CCDC14: variants seen among roughly 807,000 people sequenced by gnomAD.
CCDC14 encodes the protein coiled-coil domain containing 14.
Under a neutral mutation model 81.4 loss-of-function variants are expected in CCDC14, and 71 were observed. The observed-to-expected ratio is 0.87, with a 90% CI of 0.72 to 1.06. The LOEUF (loss-of-function observed/expected upper bound fraction) is 1.06, where lower values mean the gene tolerates loss of function less well. CCDC14 is among the 50% of genes least tolerant of loss of function. CCDC14 has a pLI of 0.00. For missense variants in CCDC14, 1,046 were observed against 1,047.3 expected, an observed-to-expected ratio of 1.00 and a Z score of 0.02; for synonymous variants, 332 against 364.8, an observed-to-expected ratio of 0.91 and a Z score of 1.03.
chr3:123,931,144 C>T lies in CCDC14; in HGVS notation c.1736G>A (p.Arg579His), dbSNP rs139814760. The T allele has an allele frequency of 6.2e-5, 100 of 1,610,706 alleles. 1 individual carries two copies. The highest frequency in any genetic ancestry group is 2.8e-4 in the African/African-American group (21 of 74,732). ...KENQILGITL[R>H]QRDAEVTRLR... Reference sequence around the variant, plus strand: ...TCGAGTCACCTCAGCATCACGCTGACGTAATGTTATCCCCAATATCTGGTT... The same window carrying T: ...TCGAGTCACCTCAGCATCACGCTGATGTAATGTTATCCCCAATATCTGGTT... Residue 579 changes from arginine to histidine, a missense_variant, in exon 12 of 13, where the codon CGT becomes CAT. Transcript: ENST00000409697.
the CCDC14 span, among the ~76,000 whole-genome samples, chr3:123,889,352 C>T: frequency 8.5e-3 from 1,286 of 152,154 alleles, 12 homozygotes; most frequent in African/African-American, 0.028. Flanking sequence ...GTAGAGGCTG[C>T]AGTGAGCCAA....
At chr3:123,906,190 C>T (rs1358496480) in intron 5 of CCDC14, among the ~76,000 whole-genome samples, 1 of 151,982 alleles carries the variant, frequency 6.6e-6, no homozygotes, top group Non-Finnish European at 1.5e-5. Flanking sequence ...ATTAGCCAGG[C>T]GTGGTGGTGG....
At chr3:123,910,909 C>T (rs1332093291), downstream of CCDC14, among the ~76,000 whole-genome samples, 1 of 152,110 alleles carries the variant, frequency 6.6e-6, no homozygotes, top group African/African-American at 2.4e-5. Context: ...CAATCCTGGT[C>T]CCTATCCTCA....
downstream of CCDC14, among the ~76,000 whole-genome samples, chr3:123,895,565 G>C (rs1035762884): frequency 6.6e-6 from 1 of 152,090 alleles, no homozygotes; most frequent in African/African-American, 2.4e-5. Flanking sequence ...TGTATGCCTG[G>C]GTCTTACCCC....
chr3:123,897,424 C>A (rs2034086559), downstream of CCDC14: 1 of 163,244 alleles, frequency 6.1e-6, no homozygotes, highest in Non-Finnish European at 1.4e-5. Flanking sequence ...AAAATCCAAA[C>A]TGATTATTTC....
Position 123,913,584 on chromosome 3 carries a change from A to C in CCDC14, c.*1195T>G, listed in dbSNP as rs1343813956. The stretch of plus-strand genomic sequence containing the variant: ...AAATAGTTTAGAATTCACTTAATAA[A>C]TTTTTAGACTTAAATCTCTATCTGG... On this transcript the variant is annotated 3_prime_UTR_variant, in exon 13 of 13. Coordinates refer to ENST00000409697, the MANE Select transcript of CCDC14 (RefSeq NM_001366335.1). 45 of 983,204 alleles carry C rather than the reference A, an allele frequency of 4.6e-5. No individual in the cohort carries two copies. Among genetic ancestry groups the C allele is most frequent in the Non-Finnish European group, 5.2e-5 (43 of 828,450 alleles). 60.9% of individuals were successfully genotyped at this position (983,204 alleles called of 1,614,324 possible). A position where few individuals can be genotyped will look rare whatever the true frequency, so the allele number is the denominator to read the frequency against.
intron 8 of CCDC14, 66 bp downstream of exon 8, chr3:123,946,737 G>A (rs1465836747): frequency 2.1e-6 from 3 of 1,403,870 alleles, no homozygotes; most frequent in Admixed American, 2.2e-5. Flanking sequence ...TTAAATGATA[G>A]CTAAATAACA....
chr3:123,952,567 G>T, intron 5 of CCDC14: 3 of 523,448 alleles, frequency 5.7e-6, no homozygotes, highest in South Asian at 4.3e-5. Flanking sequence ...TGCCTCCTTA[G>T]TCCCAGAATG....
chr3:123,885,546 C>T, the CCDC14 span, among the ~76,000 whole-genome samples: 1 of 151,826 alleles, frequency 6.6e-6, no homozygotes, highest in Non-Finnish European at 1.5e-5. Context: ...TAACTTAAGC[C>T]CTTGATCTGT....
chr3:123,944,175 G>A (rs2036506107), intron 9 of CCDC14, among the ~76,000 whole-genome samples: 1 of 152,066 alleles, frequency 6.6e-6, no homozygotes, highest in Non-Finnish European at 1.5e-5. Context: ...GCTTGCTGGT[G>A]GGGAGAAATC....
At position 123,915,534 on chromosome 3, in the gene CCDC14, A is replaced by G; in HGVS notation, c.1963T>C (p.Phe655Leu). 1 of 1,613,988 alleles carries G rather than the reference A, an allele frequency of 6.2e-7. No homozygotes were observed. Among genetic ancestry groups the G allele is most frequent in the Non-Finnish European group, 8.5e-7 (1 of 1,179,892 alleles). ...YLNKLETNYS[F>L]THSEPLSTIK... ...GTAGAAAGTGGCTCTGAATGTGTAA[A>G]ACTGTAATTTGTTTCTAACTTATTT... The change falls in exon 13 of 13, where the codon TTT becomes CTT. Residue 655 changes from phenylalanine (F) to leucine (L), a missense_variant. By Grantham distance (22) the Phe-to-Leu change is conservative. Coordinates refer to ENST00000409697, the MANE Select transcript of CCDC14 (RefSeq NM_001366335.1).
At chr3:123,893,094 G>A (rs943504803), downstream of CCDC14, among the ~76,000 whole-genome samples, 22 of 152,256 alleles carry the variant, frequency 1.4e-4, no homozygotes, top group African/African-American at 4.8e-4. Flanking sequence ...ATGAGCCACC[G>A]TGCCCTGCCA....
chr3:123,944,930 G>A lies in CCDC14; in HGVS notation c.1262C>T (p.Thr421Ile), dbSNP rs765259203. The change falls in exon 9 of 13, where the codon ACA becomes ATA. Residue 421 changes from threonine to isoleucine, a missense_variant. Coordinates refer to ENST00000409697, the MANE Select transcript of CCDC14 (RefSeq NM_001366335.1). ...EMEACISVLP[T>I]VSGNTDIQVE... ...TTGAATATCTGTGTTTCCACTTACT[G>A]TTGGAAGTACAGATATACATGCCTC... is the stretch of plus-strand genomic sequence containing the variant. The A allele has an allele frequency of 5.0e-6, 8 of 1,609,872 alleles. No individual in the cohort carries two copies. In the East Asian group the frequency reaches 1.6e-4, roughly 31 times the overall value.
intron 12 of CCDC14, among the ~76,000 whole-genome samples, chr3:123,920,294 G>A (rs1031869131): frequency 6.6e-6 from 1 of 152,194 alleles, no homozygotes; most frequent in Non-Finnish European, 1.5e-5. Context: ...AGGAGTGCCT[G>A]AAGGAGAAGA....
At chr3:123,907,692 G>A (rs918212294) in intron 5 of CCDC14, among the ~76,000 whole-genome samples, 2 of 151,572 alleles carry the variant, frequency 1.3e-5, no homozygotes, top group South Asian at 2.1e-4. Flanking sequence ...GCGACAGAGC[G>A]AGACCTCATC....
At chr3:123,898,559 G>A (rs2034116378) in intron 5 of CCDC14, among the ~76,000 whole-genome samples, 3 of 152,210 alleles carry the variant, frequency 2.0e-5, no homozygotes, top group Admixed American at 6.5e-5. Flanking sequence ...GAGAGGTGGT[G>A]CAATCCAAGG....
intron 12 of CCDC14, among the ~76,000 whole-genome samples, chr3:123,918,843 C>T (rs1027852231): frequency 6.6e-5 from 10 of 152,168 alleles, no homozygotes; most frequent in African/African-American, 2.4e-4. Context: ...CCAATGGAAG[C>T]ATCAGACCAG....
At chr3:123,934,282 A>AAAC (rs1393933806) in intron 9 of CCDC14, among the ~76,000 whole-genome samples, 1 of 150,320 alleles carries the variant, frequency 6.7e-6, no homozygotes, top group Admixed American at 6.6e-5. Flanking sequence ...AAAAAAAAAA[A>AAAC]AAAAAAAAAA....
intron 7 of CCDC14, among the ~76,000 whole-genome samples, chr3:123,948,293 G>A (rs1376614662): frequency 6.7e-6 from 1 of 149,804 alleles, no homozygotes; most frequent in African/African-American, 2.5e-5. Context: ...CTGGAGTGCA[G>A]TGGCGCGATC....
Sources: gnomAD v4.1 joint callset for allele counts (sites outside exome capture counted in the v4.1 genomes callset) on GRCh38, gnomAD v4.1.1 for gene constraint, MANE v1.5 for transcripts, NCBI Gene and HGNC (gene_info 2026-07-23, HGNC 2026-07-21) for gene names.